TAFA1: variants seen among roughly 807,000 people sequenced by gnomAD.
The protein encoded by TAFA1 is TAFA chemokine like family member 1.
In TAFA1, 4 loss-of-function variants were observed where a neutral mutation model predicts 18.5. That is an observed-to-expected ratio of 0.22 (90% confidence interval 0.11 to 0.49). TAFA1 has a LOEUF of 0.49. Ranked by LOEUF, TAFA1 falls within the 20% of genes least tolerant of loss-of-function variation. TAFA1 has a pLI of 0.98. For missense variants in TAFA1, 147 were observed against 169.0 expected (o/e 0.87, Z 0.72); for synonymous variants, 56 against 55.2 (o/e 1.01, Z -0.06).
At chr3:68,072,378 G>T (rs552635069) in intron 2 of TAFA1, among the ~76,000 whole-genome samples, 23 of 152,184 alleles carry the variant, frequency 1.5e-4, no homozygotes, top group Non-Finnish European at 3.1e-4. Context: ...GTTTTATACT[G>T]TGAATTTTAA....
chr3:68,387,426 A>C (rs1553684807), intron 2 of TAFA1, among the ~76,000 whole-genome samples: 1 of 152,000 alleles, frequency 6.6e-6, no homozygotes, highest in Non-Finnish European at 1.5e-5. Flanking sequence ...GTATTTATTT[A>C]TTTTTTACAT....
intron 2 of TAFA1, among the ~76,000 whole-genome samples, chr3:68,311,641 G>A (rs1213248519): frequency 2.0e-5 from 3 of 152,240 alleles, no homozygotes; most frequent in Admixed American, 2.0e-4. Context: ...ACTGATGCAA[G>A]AGGTGGGTTC....
intron 2 of TAFA1, among the ~76,000 whole-genome samples, chr3:68,122,205 T>A (rs968603245): frequency 1.3e-5 from 2 of 152,162 alleles, no homozygotes; most frequent in Non-Finnish European, 2.9e-5. Flanking sequence ...ATATTTTTTT[T>A]AATTCTGAGG....
intron 2 of TAFA1, among the ~76,000 whole-genome samples, chr3:68,228,660 G>A (rs926977518): frequency 6.6e-6 from 1 of 152,122 alleles, no homozygotes; most frequent in Non-Finnish European, 1.5e-5. Flanking sequence ...TGTAGTCTTG[G>A]TGCCTAGCAC....
intron 2 of TAFA1, among the ~76,000 whole-genome samples, chr3:68,194,492 C>G (rs1027747985): frequency 9.2e-5 from 14 of 151,640 alleles, no homozygotes; most frequent in Non-Finnish European, 1.5e-4. Context: ...GATTCAACAT[C>G]AATTGCTATG....
chr3:68,072,304 G>A (rs2064765168), intron 2 of TAFA1, among the ~76,000 whole-genome samples: 1 of 152,172 alleles, frequency 6.6e-6, no homozygotes, highest in Non-Finnish European at 1.5e-5. Flanking sequence ...CGTGTGGCTT[G>A]AGTGTGAAGT....
At chr3:68,367,812 G>A (rs1225936944) in intron 2 of TAFA1, among the ~76,000 whole-genome samples, 5 of 152,084 alleles carry the variant, frequency 3.3e-5, no homozygotes, top group Admixed American at 6.6e-5. Flanking sequence ...AGGTTGAGAA[G>A]TGGGATATAA....
intron 3 of TAFA1, among the ~76,000 whole-genome samples, chr3:68,479,241 A>AAAATATATATATAT: frequency 8.1e-6 from 1 of 123,666 alleles, no homozygotes; most frequent in East Asian, 2.5e-4. Context: ...AAAAAAAAAA[A>AAAATATATATATAT]ATATATATAT....
At chr3:67,994,743 T>A in the TAFA1 span, among the ~76,000 whole-genome samples, 1 of 152,144 alleles carries the variant, frequency 6.6e-6, no homozygotes, top group Non-Finnish European at 1.5e-5. Context: ...AAAGAGAAAA[T>A]CACTTTTTGA....
intron 2 of TAFA1, among the ~76,000 whole-genome samples, chr3:68,119,276 G>C (rs1220479135): frequency 6.6e-6 from 1 of 151,962 alleles, no homozygotes; most frequent in African/African-American, 2.4e-5. Flanking sequence ...TATATATTCT[G>C]TCTATTAACT....
In TAFA1 at chr3:68,370,488, A is replaced by ATG. The variant is rs1559637843; in HGVS notation, c.119-46791_119-46790insGT. On this transcript the variant is annotated intron_variant, in intron 2 of 4. Transcript: ENST00000478136. ...TGTGTGTGTGTATATATATATATAT[A>ATG]TATATATATATATATATATATATAT... is the stretch of plus-strand genomic sequence containing the variant. Among the ~76,000 whole-genome samples the ATG allele has an allele frequency of 7.7e-5, 7 of 90,482 alleles. 1 individual carries two copies. The highest frequency in any genetic ancestry group is 7.5e-4 in the South Asian group (2 of 2,666). 59.4% of individuals were successfully genotyped at this position (90,482 alleles called of 152,430 possible). A position where few individuals can be genotyped will look rare whatever the true frequency, so the allele number is the denominator to read the frequency against.
rs56258198 is a variant in TAFA1 at position 68,405,699 on chromosome 3, CAAAAAAAAA to C, written c.119-11548_119-11540del. ...TAGGCAATGGAGTGAGACTCTATCT[CAAAAAAAAA>C]AAAAAAAAAAAAAAAAAAAAAAAAA... is the stretch of plus-strand genomic sequence containing the variant. On this transcript the variant is annotated intron_variant, in intron 2 of 4. Transcript: ENST00000478136. Among the ~76,000 whole-genome samples the C allele has an allele frequency of 2.8e-3, 93 of 32,848 alleles. 3 individuals carry two copies. The highest frequency in any genetic ancestry group is 7.9e-3 in the East Asian group (13 of 1,636). 21.5% of individuals were successfully genotyped at this position (32,848 alleles called of 152,430 possible).
rs2064420291 is a variant in TAFA1 at position 68,048,369 on chromosome 3, T to A, written c.118+41625T>A. Among the ~76,000 whole-genome samples, 4 of 152,080 alleles carry A rather than the reference T, an allele frequency of 2.6e-5. No homozygotes were observed. The South Asian group carries it at 8.3e-4, about 32-fold the overall frequency. The stretch of plus-strand genomic sequence containing the variant: ...ATATTCATGGGGTACATGAGATATT[T>A]TGATATGGGCATACAATGCATAATA... On this transcript the variant is annotated intron_variant, in intron 2 of 4. Transcript: ENST00000478136.
chr3:68,006,484 C>CCCA (rs1377977038), intron 1 of TAFA1, 140 bp from the exon 2 acceptor site: 1 of 641,594 alleles, frequency 1.6e-6, no homozygotes, highest in Non-Finnish European at 2.9e-6. Flanking sequence ...CATGGCATGA[C>CCCA]CTCTGCTGGA....
intron 2 of TAFA1, among the ~76,000 whole-genome samples, chr3:68,282,802 A>G (rs1300319829): frequency 6.6e-6 from 1 of 152,170 alleles, no homozygotes; most frequent in East Asian, 1.9e-4. Context: ...TTTCAATGAG[A>G]TGATCTGAAG....
At chr3:68,517,877 A>T (rs2072948327) in intron 3 of TAFA1, among the ~76,000 whole-genome samples, 1 of 152,102 alleles carries the variant, frequency 6.6e-6, no homozygotes, top group African/African-American at 2.4e-5. Flanking sequence ...AAATTTAAGC[A>T]GCACAGTTCC....
chr3:68,187,554 C>A (rs527906033), intron 2 of TAFA1, among the ~76,000 whole-genome samples: 28 of 152,082 alleles, frequency 1.8e-4, no homozygotes, highest in Non-Finnish European at 3.8e-4. Flanking sequence ...GATTACAGGA[C>A]AAATTTTAGA....
rs114440411 is a variant in TAFA1 at position 68,290,494 on chromosome 3, G to A, written c.119-126786G>A. On this transcript the variant is annotated intron_variant, in intron 2 of 4. Transcript: ENST00000478136. ...AATAATTGAAAATTAAGAAGTTACA[G>A]AGTCATAATGAAATTGTCCCCTTTG... Among the ~76,000 whole-genome samples the A allele has an allele frequency of 4.3e-3, 662 of 152,208 alleles. 9 individuals are homozygous for A. The highest frequency in any genetic ancestry group is 0.015 in the African/African-American group (635 of 41,542).
chr3:68,495,835 G>T (rs1224727831), intron 3 of TAFA1, among the ~76,000 whole-genome samples: 1 of 151,958 alleles, frequency 6.6e-6, no homozygotes, highest in East Asian at 1.9e-4. Flanking sequence ...TTACATGAAA[G>T]CAAGTTAGGC....
Sources: gnomAD v4.1 joint callset for allele counts (sites outside exome capture counted in the v4.1 genomes callset) on GRCh38, gnomAD v4.1.1 for gene constraint, MANE v1.5 for transcripts, NCBI Gene and HGNC (gene_info 2026-07-23, HGNC 2026-07-21) for gene names.